The following SLC25A48 variants were observed in gnomAD, a reference collection of about 807,000 sequenced individuals.
SLC25A48 encodes solute carrier family 25 member 48.
A neutral mutation model predicts 32.2 loss-of-function variants in SLC25A48; 29 were observed. The ratio of observed to expected loss-of-function variants is 0.90; its 90% confidence interval spans 0.67 to 1.23. The LOEUF (loss-of-function observed/expected upper bound fraction) is 1.23. Ranked by LOEUF, SLC25A48 falls within the 50% of genes most tolerant of loss-of-function variation. The pLI is 0.00. For synonymous variants in SLC25A48, 164 were observed against 172.3 expected, an observed-to-expected ratio of 0.95 and a Z score of 0.38; for missense variants, 399 against 422.7, an observed-to-expected ratio of 0.94 and a Z score of 0.49.
At chr5:135,723,423 G>A (rs964620287) in intron 3 of SLC25A48, among the ~76,000 whole-genome samples, 2 of 82,648 alleles carry the variant, frequency 2.4e-5, no homozygotes, top group Non-Finnish European at 6.8e-5. Flanking sequence ...CAATGGGGAG[G>A]GGGACAGCTC....
intron 3 of SLC25A48, among the ~76,000 whole-genome samples, chr5:135,769,420 G>T (rs1174504711): frequency 6.6e-6 from 1 of 151,186 alleles, no homozygotes; most frequent in Non-Finnish European, 1.5e-5. Flanking sequence ...ATATCCAGTG[G>T]GGGAGAGAAT....
chr5:135,830,130 G>A (rs189351742), upstream of SLC25A48, among the ~76,000 whole-genome samples: 260 of 152,248 alleles, frequency 1.7e-3, 3 homozygotes, highest in Middle Eastern at 3.4e-3. Context: ...TGAGCCTCCT[G>A]GGCCAGCATC....
At chr5:135,756,321 C>G (rs1755902731) in intron 3 of SLC25A48, among the ~76,000 whole-genome samples, 2 of 151,778 alleles carry the variant, frequency 1.3e-5, no homozygotes, top group African/African-American at 4.8e-5. Flanking sequence ...CTAGTGTTGA[C>G]ACACTATGAT....
intron 3 of SLC25A48, among the ~76,000 whole-genome samples, chr5:135,742,106 G>A (rs965469111): frequency 1.3e-5 from 2 of 152,032 alleles, no homozygotes; most frequent in African/African-American, 4.8e-5. Context: ...GTATTTGAGA[G>A]TCTCATTCTG....
chr5:135,833,471 T>C (rs746091493), upstream of SLC25A48, among the ~76,000 whole-genome samples: 183 of 152,314 alleles, frequency 1.2e-3, 4 homozygotes, highest in Non-Finnish European at 2.1e-3. Flanking sequence ...AGACCTGCAT[T>C]TCTCATAGCA....
intron 3 of SLC25A48, among the ~76,000 whole-genome samples, chr5:135,781,620 G>T (rs1224620054): frequency 8.6e-6 from 1 of 116,674 alleles, no homozygotes; most frequent in African/African-American, 2.6e-5. Flanking sequence ...ATCCCCGTGG[G>T]TAGAGGATGA....
chr5:135,794,874 A>G (rs1757128266), intron 3 of SLC25A48, among the ~76,000 whole-genome samples: 2 of 151,776 alleles, frequency 1.3e-5, no homozygotes, highest in Admixed American at 1.3e-4. Context: ...TCAGGGGGTG[A>G]ACACAACCCT....
chr5:135,863,286 C>T (rs900930089), intron 4 of SLC25A48, among the ~76,000 whole-genome samples: 3 of 152,184 alleles, frequency 2.0e-5, no homozygotes, highest in Admixed American at 6.5e-5. Flanking sequence ...TCAATGCTTA[C>T]TGTGGCTGCT....
At chr5:135,764,334 T>C (rs1218860856) in intron 3 of SLC25A48, among the ~76,000 whole-genome samples, 2 of 152,034 alleles carry the variant, frequency 1.3e-5, no homozygotes, top group African/African-American at 4.8e-5. Context: ...CCCCCTGTGA[T>C]ATGGTTCATA....
intron 1 of SLC25A48, chr5:135,609,607 C>G (rs1752019349): frequency 6.6e-6 from 1 of 152,144 alleles, no homozygotes; most frequent in Non-Finnish European, 1.5e-5. Flanking sequence ...ATATTCCAGA[C>G]AGAAGGACGC....
intron 1 of SLC25A48, among the ~76,000 whole-genome samples, chr5:135,591,637 G>C (rs57443686): frequency 0.014 from 2,126 of 152,284 alleles, 50 homozygotes; most frequent in African/African-American, 0.048. Context: ...GATGTGGAAG[G>C]GGCTTTGGGT....
At chr5:135,797,940 G>A (rs548881011) in intron 3 of SLC25A48, among the ~76,000 whole-genome samples, 1 of 151,884 alleles carries the variant, frequency 6.6e-6, no homozygotes, top group Admixed American at 6.6e-5. Flanking sequence ...ACCGCATGGG[G>A]TGTACACCCC....
chr5:135,626,369 G>A (rs890797242), intron 1 of SLC25A48, among the ~76,000 whole-genome samples: 1 of 152,208 alleles, frequency 6.6e-6, no homozygotes, highest in Non-Finnish European at 1.5e-5. Context: ...AAATGTCAGA[G>A]TCAGTTGTTT....
intron 3 of SLC25A48, among the ~76,000 whole-genome samples, chr5:135,718,884 C>G (rs1754878673): frequency 6.6e-6 from 1 of 152,220 alleles, no homozygotes; most frequent in South Asian, 2.1e-4. Context: ...AAGGGGGGCC[C>G]TGTGGCTTTG....
chr5:135,667,708 T>G (rs1753556617), intron 3 of SLC25A48, among the ~76,000 whole-genome samples: 1 of 152,218 alleles, frequency 6.6e-6, no homozygotes, highest in Non-Finnish European at 1.5e-5. Context: ...TTGACAGCAT[T>G]TAGCACACAC....
rs550656615 is a variant in SLC25A48, at chr5:135,771,059, T to G, written c.-520-41464T>G. ...CCCCTGCGATATTGTTCTTAATATT[T>G]AGGGAGGGGAGAGAATGATATTACT... On this transcript the variant is annotated intron_variant, in intron 3 of 10. Transcript: ENST00000646290. 2.0e-5 allele frequency among the ~76,000 whole-genome samples: 3 copies of G among 151,508 alleles called. No homozygotes were observed. In the South Asian group the frequency reaches 6.3e-4, roughly 32 times the overall value.
At chr5:135,880,254 A>C in intron 7 of SLC25A48, 157 bp downstream of exon 7, 3 of 1,106,380 alleles carry the variant, frequency 2.7e-6, no homozygotes, top group East Asian at 2.6e-5. Context: ...TCGTCACCAA[A>C]CAGCAGTTCA....
intron 2 of SLC25A48, among the ~76,000 whole-genome samples, chr5:135,630,557 G>A (rs1752532666): frequency 7.3e-6 from 1 of 136,614 alleles, no homozygotes; most frequent in South Asian, 2.7e-4. Context: ...GATAAGAGAT[G>A]AAAGCAGGGG....
At chr5:135,686,763 A>G (rs1315675189) in intron 3 of SLC25A48, among the ~76,000 whole-genome samples, 1 of 152,198 alleles carries the variant, frequency 6.6e-6, no homozygotes, top group Admixed American at 6.5e-5. Context: ...ATGGGAAGGG[A>G]TGGATAGATA....
Sources: gnomAD v4.1 joint callset for allele counts (sites outside exome capture counted in the v4.1 genomes callset) on GRCh38, gnomAD v4.1.1 for gene constraint, MANE v1.5 for transcripts, NCBI Gene and HGNC (gene_info 2026-07-23, HGNC 2026-07-21) for gene names.